The following BSCL2 variants were observed in gnomAD, a reference collection of about 807,000 sequenced individuals.
The protein encoded by BSCL2 is BSCL2 lipid droplet biogenesis associated, seipin.
Under a neutral mutation model 57.4 loss-of-function variants are expected in BSCL2, and 41 were observed. That is an observed-to-expected ratio of 0.71 (90% confidence interval 0.56 to 0.93). The LOEUF is 0.93. BSCL2 is among the 40% of genes least tolerant of loss of function. BSCL2 has a pLI of 0.00. For synonymous variants in BSCL2, 237 were observed against 227.3 expected (o/e 1.04, Z -0.38); for missense variants, 539 against 586.7 (o/e 0.92, Z 0.84).
At chr11:62,696,324 T>A (rs998591149) in intron 3 of BSCL2, among the ~76,000 whole-genome samples, 5 of 59,760 alleles carry the variant, frequency 8.4e-5, no homozygotes, top group African/African-American at 2.0e-4. Context: ...GAAGACAAGG[T>A]CTTGCTCTGT....
chr11:62,705,230 G>T, intron 2 of BSCL2, 71 bp downstream of exon 2: 3 of 1,440,350 alleles, frequency 2.1e-6, no homozygotes, highest in East Asian at 2.5e-5. Flanking sequence ...TGAGGGGATT[G>T]AACTGAATGA....
At position 62,702,475 on chromosome 11, in the gene BSCL2, C is replaced by T. The variant is rs748287282; in HGVS notation, c.479G>A (p.Arg160His). ...VANVSLTKGG[R>H]DRVLMYGQPY... The stretch of plus-strand genomic sequence containing the variant: ...TCTAGTTCCCATACTCACCCGATCA[C>T]GTCCACCCTTAGTCAGCGAGACATT... The change falls in exon 3 of 11, where the codon CGT becomes CAT. Residue 160 changes from arginine to histidine, a missense_variant. This residue lies in a region of BSCL2 where 218 missense variants were observed against 224.8 expected (regional missense o/e 0.97). Coordinates refer to ENST00000360796, the MANE Select transcript of BSCL2 (RefSeq NM_001122955.4). The T allele has an allele frequency of 3.7e-6, 6 of 1,611,984 alleles. No individual in the cohort carries two copies. The African/African-American group carries it at 5.3e-5, about 14-fold the overall frequency.
At chr11:62,699,893 G>A (rs1326999663) in intron 3 of BSCL2, among the ~76,000 whole-genome samples, 1 of 151,172 alleles carries the variant, frequency 6.6e-6, no homozygotes, top group Non-Finnish European at 1.5e-5. Context: ...TGGCCAGGCT[G>A]GTCACGAACT....
chr11:62,703,068 T>C (rs1382307245), intron 2 of BSCL2, among the ~76,000 whole-genome samples: 2 of 151,044 alleles, frequency 1.3e-5, no homozygotes, highest in Non-Finnish European at 2.9e-5. Flanking sequence ...AAGAATCGCC[T>C]GAACCTGGGA....
chr11:62,696,278 T>TTGTGTGTGTGTGTGTG (rs1197051764), intron 3 of BSCL2, among the ~76,000 whole-genome samples: 7,225 of 136,220 alleles, frequency 0.053, 336 homozygotes, highest in South Asian at 0.069. Flanking sequence ...CATAAACTTT[T>TTGTGTGTGTGTGTGTG]TGTGTGTGTG....
At chr11:62,697,573 G>C (rs1429237329) in intron 3 of BSCL2, 1 of 151,342 alleles carries the variant, frequency 6.6e-6, no homozygotes, top group East Asian at 2.0e-4. Context: ...AGATCACCAG[G>C]ACAGGAGTTC....
intron 2 of BSCL2, among the ~76,000 whole-genome samples, chr11:62,704,281 C>T (rs1945746616): frequency 6.6e-6 from 1 of 151,032 alleles, no homozygotes; most frequent in African/African-American, 2.4e-5. Flanking sequence ...ACCCCATCTC[C>T]CCAGCACTTT....
intron 3 of BSCL2, among the ~76,000 whole-genome samples, chr11:62,698,965 G>GCT: frequency 6.6e-6 from 1 of 152,086 alleles, no homozygotes; most frequent in African/African-American, 2.4e-5. Context: ...GAGTGCAGTG[G>GCT]CACGATCTCA....
At position 62,692,749 on chromosome 11, in the gene BSCL2, C is replaced by A. The variant is rs1565144788; in HGVS notation, c.679G>T (p.Val227Phe). Reference protein sequence around the residue: ...SDLLQMLDTLVFSSLLLFGFA... With the variant: ...SDLLQMLDTLFFSSLLLFGFA... ...CCAAATAGCAGGAGGCTAGAGAAGA[C>A]CAGTGTGTCCAGCATCTGGAGCAGG... Residue 227 changes from valine to phenylalanine, a missense_variant, in exon 5 of 11, where the codon GTC (valine) becomes TTC (phenylalanine). Physicochemically the swap from Val to Phe is conservative, Grantham distance 50. Transcript: ENST00000360796. 1.2e-6 allele frequency: 2 copies of A among 1,614,100 alleles called. No individual in the cohort carries two copies. The highest frequency in any genetic ancestry group is 1.7e-6 in the Non-Finnish European group (2 of 1,180,028).
rs2083513120 is a variant in BSCL2, at chr11:62,705,491, G to C, written c.214C>G (p.Pro72Ala). 1 of 1,614,096 alleles carries C rather than the reference G, an allele frequency of 6.2e-7. No homozygotes were observed. Among genetic ancestry groups the C allele is most frequent in the African/African-American group, 1.3e-5 (1 of 74,942 alleles). ...LPAMVNDPPV[P>A]ALLWAQEVGQ... ...ACCTCCTGGGCCCACAGTAAGGCAG[G>C]TACTGGAGGGTCGTTGACCATGGCC... The change falls in exon 2 of 11, where the codon CCT becomes GCT. Residue 72 changes from proline (P) to alanine (A), a missense_variant. By Grantham distance (27) the Pro-to-Ala change is conservative. This residue lies in a region of BSCL2 where 218 missense variants were observed against 224.8 expected (regional missense o/e 0.97). Transcript: ENST00000360796.
intron 3 of BSCL2, 23 bp downstream of exon 3, chr11:62,702,445 C>T: frequency 2.5e-6 from 4 of 1,592,206 alleles, no homozygotes; most frequent in Admixed American, 1.7e-5. Context: ...CTAATGAAAC[C>T]TCTCTCTAGT....
At chr11:62,695,595 C>T (rs1945432006) in intron 3 of BSCL2, among the ~76,000 whole-genome samples, 1 of 150,998 alleles carries the variant, frequency 6.6e-6, no homozygotes, top group African/African-American at 2.4e-5. Context: ...CCTGTAATCT[C>T]AGCCACTCAG....
intron 8 of BSCL2, 30 bp downstream of exon 8, chr11:62,691,045 C>T: frequency 6.2e-7 from 1 of 1,613,836 alleles, no homozygotes; most frequent in Non-Finnish European, 8.5e-7. Flanking sequence ...ACCTAGCCCA[C>T]CTCAACAGCT....
At chr11:62,703,304 A>ATGTG (rs962726969) in intron 2 of BSCL2, among the ~76,000 whole-genome samples, 3 of 149,958 alleles carry the variant, frequency 2.0e-5, no homozygotes, top group Non-Finnish European at 4.4e-5. Flanking sequence ...GCAAATTTGC[A>ATGTG]TGTGGGGGTG....
chr11:62,694,947 C>G (rs1210814301), intron 3 of BSCL2, among the ~76,000 whole-genome samples: 1 of 152,176 alleles, frequency 6.6e-6, no homozygotes, highest in African/African-American at 2.4e-5. Context: ...ATCAGACTGG[C>G]TACCCTGTTC....
chr11:62,692,607 C>A (rs879393922), intron 5 of BSCL2, 56 bp downstream of exon 5: 3 of 1,613,202 alleles, frequency 1.9e-6, no homozygotes, highest in Admixed American at 3.3e-5. Flanking sequence ...CAGGTAGAAT[C>A]CTGGGCTAAT....
upstream of BSCL2, chr11:62,707,833 T>C: frequency 3.9e-6 from 1 of 253,262 alleles, no homozygotes; most frequent in East Asian, 9.4e-5. Context: ...CCCTACTGGG[T>C]GGGGCACCCA....
chr11:62,709,510 T>TTAGGAGGG (rs778203846), upstream of BSCL2: 13 of 453,636 alleles, frequency 2.9e-5, no homozygotes, highest in South Asian at 1.9e-4. Context: ...AGAGGAACTC[T>TTAGGAGGG]TAGGAGGGTA....
chr11:62,696,016 T>C (rs1374786473), intron 3 of BSCL2, among the ~76,000 whole-genome samples: 2 of 151,846 alleles, frequency 1.3e-5, no homozygotes, highest in East Asian at 1.9e-4. Context: ...CTACTAAAAA[T>C]ACAAAAATTA....
Sources: allele counts gnomAD v4.1 joint callset (sites outside exome capture counted in the v4.1 genomes callset), GRCh38; gene constraint gnomAD v4.1.1; regional missense constraint gnomAD v4.1.1; transcripts MANE v1.5; gene names NCBI Gene and HGNC (gene_info 2026-07-23, HGNC 2026-07-21).